The following CAMKMT variants were observed in gnomAD, a reference collection of about 807,000 sequenced individuals.
CAMKMT encodes CaM KMT.
A neutral mutation model predicts 48.0 loss-of-function variants in CAMKMT; 53 were observed. The ratio of observed to expected loss-of-function variants is 1.10; its 90% CI spans 0.89 to 1.39. The LOEUF (loss-of-function observed/expected upper bound fraction) is 1.39, where lower values mean the gene tolerates loss of function less well. Among genes scored for constraint, CAMKMT ranks in the 40% most tolerant of loss-of-function variants. The pLI is 0.00. For synonymous variants in CAMKMT, 165 were observed against 152.3 expected (o/e 1.08, Z -0.61); for missense variants, 428 against 402.7 (o/e 1.06, Z -0.54).
chr2:44,683,094 G>A (rs1466653675), intron 3 of CAMKMT, among the ~76,000 whole-genome samples: 1 of 152,122 alleles, frequency 6.6e-6, no homozygotes, highest in Non-Finnish European at 1.5e-5. Context: ...CCTCTATTCA[G>A]AGATTCTGAT....
intron 3 of CAMKMT, among the ~76,000 whole-genome samples, chr2:44,529,654 A>G (rs1343145614): frequency 6.6e-6 from 1 of 152,196 alleles, no homozygotes; most frequent in Non-Finnish European, 1.5e-5. Flanking sequence ...CTTGGAACAC[A>G]TTCTTCAGCT....
chr2:44,699,140 A>G (rs957523046), intron 3 of CAMKMT, among the ~76,000 whole-genome samples: 1 of 152,178 alleles, frequency 6.6e-6, no homozygotes, highest in Non-Finnish European at 1.5e-5. Flanking sequence ...GTTAACACTG[A>G]TATTTTGACC....
intron 3 of CAMKMT, among the ~76,000 whole-genome samples, chr2:44,643,140 A>G (rs1299034893): frequency 6.6e-6 from 1 of 152,172 alleles, no homozygotes; most frequent in Non-Finnish European, 1.5e-5. Context: ...CAATTAAATT[A>G]TTGTCTATGA....
chr2:44,404,562 C>T (rs1045789909), intron 3 of CAMKMT, among the ~76,000 whole-genome samples: 4 of 152,170 alleles, frequency 2.6e-5, no homozygotes, highest in African/African-American at 9.6e-5. Context: ...TGCCCTATTC[C>T]TCATGAATTG....
At chr2:44,392,105 G>T (rs1369682341) in intron 3 of CAMKMT, 1 of 152,010 alleles carries the variant, frequency 6.6e-6, no homozygotes, top group African/African-American at 2.4e-5. Context: ...ACCTCTTTTG[G>T]TTTTTTCCTA....
intron 8 of CAMKMT, among the ~76,000 whole-genome samples, chr2:44,748,685 A>G (rs1157558521): frequency 1.3e-5 from 2 of 152,082 alleles, no homozygotes; most frequent in Non-Finnish European, 2.9e-5. Flanking sequence ...ATCCTGGCTA[A>G]CACGGTGAAA....
At chr2:44,679,601 C>A (rs930077265) in intron 3 of CAMKMT, among the ~76,000 whole-genome samples, 3 of 152,188 alleles carry the variant, frequency 2.0e-5, no homozygotes, top group African/African-American at 4.8e-5. Context: ...GCATAGCCTG[C>A]GCCATGTCAG....
At chr2:44,521,577 C>T (rs1671114809) in intron 3 of CAMKMT, among the ~76,000 whole-genome samples, 1 of 152,242 alleles carries the variant, frequency 6.6e-6, no homozygotes, top group African/African-American at 2.4e-5. Flanking sequence ...TCACGCCCGT[C>T]TAGTATCCCA....
At chr2:44,616,432 A>G (rs1211207030) in intron 3 of CAMKMT, among the ~76,000 whole-genome samples, 1 of 152,196 alleles carries the variant, frequency 6.6e-6, no homozygotes, top group African/African-American at 2.4e-5. Flanking sequence ...TAATTTTAAT[A>G]TTCCAAAACC....
intron 3 of CAMKMT, among the ~76,000 whole-genome samples, chr2:44,558,638 G>A (rs1668152763): frequency 6.6e-6 from 1 of 152,110 alleles, no homozygotes; most frequent in Non-Finnish European, 1.5e-5. Context: ...ACAGCAACAT[G>A]GATGCAGTGG....
chr2:44,448,972 G>T (rs118009814), intron 3 of CAMKMT, among the ~76,000 whole-genome samples: 4 of 152,140 alleles, frequency 2.6e-5, no homozygotes, highest in Non-Finnish European at 5.9e-5. Context: ...TAGTTGCCTC[G>T]TGCAGGAAAC....
chr2:44,395,110 G>T, intron 3 of CAMKMT: 2 of 375,576 alleles, frequency 5.3e-6, no homozygotes, highest in South Asian at 3.9e-5. Flanking sequence ...TTGGAAATAT[G>T]GTCTAAATTT....
At position 44,665,851 on chromosome 2, in the gene CAMKMT, T is replaced by G. The variant is rs1178015383; in HGVS notation, c.377-38432T>G. 2.0e-5 allele frequency among the ~76,000 whole-genome samples: 3 copies of G among 152,206 alleles called. No homozygotes were observed. The East Asian group carries it at 5.8e-4, about 29-fold the overall frequency. On this transcript the variant is annotated intron_variant, in intron 3 of 10. Coordinates refer to ENST00000378494, the MANE Select transcript of CAMKMT (RefSeq NM_024766.5). ...AGTAGACTGCTGCAATATGAGCACC[T>G]GGGTAAGAACACTGGCAGCAGGGAT...
intron 3 of CAMKMT, among the ~76,000 whole-genome samples, chr2:44,426,009 G>A (rs150769467): frequency 0.018 from 2,705 of 152,244 alleles, 70 homozygotes; most frequent in African/African-American, 0.061. Context: ...GGGATTACAG[G>A]CGTGAGCCAC....
intron 3 of CAMKMT, among the ~76,000 whole-genome samples, chr2:44,580,185 A>G (rs1425644437): frequency 6.6e-6 from 1 of 152,100 alleles, no homozygotes; most frequent in African/African-American, 2.4e-5. Context: ...ATTGAAAACC[A>G]GTAATGACTA....
chr2:44,608,127 C>T lies in CAMKMT; in HGVS notation c.377-96156C>T, dbSNP rs569287699. On this transcript the variant is annotated intron_variant, in intron 3 of 10. Transcript: ENST00000378494. ...TTGCTCCGTCGCCCAGGCTGGAGTGCAGTGGCAGCATCTCGGCTCACTGCA... is the reference window on the plus strand; with the variant it reads ...TTGCTCCGTCGCCCAGGCTGGAGTGTAGTGGCAGCATCTCGGCTCACTGCA... Among the ~76,000 whole-genome samples, 288 of 137,300 alleles carry T rather than the reference C, an allele frequency of 2.1e-3. No individual in the cohort carries two copies. In the Middle Eastern group the frequency reaches 0.032, roughly 15 times the overall value. The allele number at this position is 137,300 out of a possible 152,430, so 90.1% of individuals were successfully genotyped here.
At chr2:44,683,850 GA>G (rs1391498026) in intron 3 of CAMKMT, among the ~76,000 whole-genome samples, 3 of 133,254 alleles carry the variant, frequency 2.3e-5, no homozygotes, top group South Asian at 2.4e-4. Context: ...AAAAGAAAAA[GA>G]AAAAAGAAAA....
At chr2:44,474,535 C>T (rs967570701) in intron 3 of CAMKMT, among the ~76,000 whole-genome samples, 5 of 151,426 alleles carry the variant, frequency 3.3e-5, no homozygotes, top group Admixed American at 1.3e-4. Flanking sequence ...AGAGGGAGAG[C>T]GAAATGCTAA....
At chr2:44,625,389 C>T (rs538705462) in intron 3 of CAMKMT, among the ~76,000 whole-genome samples, 1 of 152,118 alleles carries the variant, frequency 6.6e-6, no homozygotes, top group African/African-American at 2.4e-5. Flanking sequence ...TATACAAATA[C>T]ATTTAATAAA....
Sources: allele counts gnomAD v4.1 joint callset (sites outside exome capture counted in the v4.1 genomes callset), GRCh38; gene constraint gnomAD v4.1.1; transcripts MANE v1.5; gene names NCBI Gene and HGNC (gene_info 2026-07-23, HGNC 2026-07-21).